The following HYDIN variants were observed in gnomAD, a reference collection of about 807,000 sequenced individuals.
The protein encoded by HYDIN is HYDIN axonemal central pair apparatus protein, also known as axonemal central pair apparatus protein HYDIN.
Under a neutral mutation model 403.9 loss-of-function variants are expected in HYDIN, and 132 were observed. The ratio of observed to expected loss-of-function variants is 0.33; its 90% CI spans 0.28 to 0.38. The LOEUF (loss-of-function observed/expected upper bound fraction) is 0.38. Ranked by LOEUF, HYDIN falls within the 10% of genes least tolerant of loss-of-function variation. The pLI, the probability that HYDIN is intolerant of heterozygous loss-of-function variation, is 1.00. For synonymous variants in HYDIN, 1,202 were observed against 1,891.7 expected, an observed-to-expected ratio of 0.64 and a Z score of 9.46; for missense variants, 2,827 against 5,009.5, an observed-to-expected ratio of 0.56 and a Z score of 13.15.
At chr16:71,189,892 T>G (rs1324442615) in intron 1 of HYDIN, among the ~76,000 whole-genome samples, 1 of 152,120 alleles carries the variant, frequency 6.6e-6, no homozygotes, top group East Asian at 1.9e-4. Context: ...GTCATGATAT[T>G]AGTAATAATA....
chr16:70,886,085 A>G lies in HYDIN; in HGVS notation c.9775-1961T>C, dbSNP rs561783246. On this transcript the variant is annotated intron_variant, in intron 58 of 85. Transcript: ENST00000393567. Reference sequence around the variant, plus strand: ...TAAATATGCCATATTTGTTTAAACCACTAATGTTGGATTTTCTGCTATCTG... The same window carrying G: ...TAAATATGCCATATTTGTTTAAACCGCTAATGTTGGATTTTCTGCTATCTG... 2.8e-4 allele frequency among the ~76,000 whole-genome samples: 42 copies of G among 149,716 alleles called. No individual in the cohort carries two copies. The South Asian group carries it at 8.6e-3, about 31-fold the overall frequency.
At chr16:71,089,976 G>GGAT (rs2083063739) in intron 11 of HYDIN, among the ~76,000 whole-genome samples, 1 of 123,954 alleles carries the variant, frequency 8.1e-6, no homozygotes, top group Non-Finnish European at 1.6e-5. Context: ...AGGCAGAGGA[G>GGAT]GATGAGTTCA....
chr16:70,854,954 T>C (rs1363119374), intron 73 of HYDIN, among the ~76,000 whole-genome samples, 174 bp downstream of exon 73: 3 of 150,830 alleles, frequency 2.0e-5, no homozygotes, highest in Non-Finnish European at 4.4e-5. Flanking sequence ...CAATGCTCCA[T>C]ATTCATCAGG....
At chr16:70,916,071 C>T (rs995352012) in intron 47 of HYDIN, among the ~76,000 whole-genome samples, 2 of 152,218 alleles carry the variant, frequency 1.3e-5, no homozygotes, top group Non-Finnish European at 2.9e-5. Context: ...TACCCACCTC[C>T]CAGCTGTGAA....
chr16:70,990,008 A>G lies in HYDIN; in HGVS notation c.3864+1310T>C, dbSNP rs190176100. Among the ~76,000 whole-genome samples, 65 of 152,344 alleles carry G rather than the reference A, an allele frequency of 4.3e-4. 1 individual carries two copies. Among genetic ancestry groups the G allele is most frequent in the African/African-American group, 1.5e-3 (63 of 41,592 alleles). ...CAAGATGGTCGAGTCTTCCAGCTCC[A>G]CTGCTTGATGGACGTGTCCCTGCAT... is the stretch of plus-strand genomic sequence containing the variant. On this transcript the variant is annotated intron_variant, in intron 25 of 85. Transcript: ENST00000393567.
intron 1 of HYDIN, among the ~76,000 whole-genome samples, chr16:71,227,540 A>G (rs1221565678): frequency 6.6e-6 from 1 of 152,160 alleles, no homozygotes; most frequent in Non-Finnish European, 1.5e-5. Context: ...AGAGAGCCAA[A>G]TCATGAGTGA....
At chr16:70,955,980 G>C (rs2078222793) in intron 39 of HYDIN, among the ~76,000 whole-genome samples, 1 of 151,914 alleles carries the variant, frequency 6.6e-6, no homozygotes, top group Non-Finnish European at 1.5e-5. Flanking sequence ...CACCATATCT[G>C]GTTAATTTTT....
chr16:70,949,265 A>C (rs2077983291), intron 41 of HYDIN, among the ~76,000 whole-genome samples: 2 of 137,114 alleles, frequency 1.5e-5, no homozygotes, highest in Non-Finnish European at 3.1e-5. Context: ...CAATGAAAAC[A>C]CATGGACACA....
At position 71,162,655 on chromosome 16, in the gene HYDIN, C is replaced by G; in HGVS notation, c.592G>C (p.Ala198Pro). The change falls in exon 6 of 86, where the codon GCC (alanine) becomes CCC (proline). Residue 198 changes from alanine to proline, a missense_variant. By Grantham distance (27) the Ala-to-Pro change is conservative. Coordinates refer to ENST00000393567, the MANE Select transcript of HYDIN (RefSeq NM_001270974.2). ...AGCTTGTCAGGAAAATCGAGAATGG[C>G]TCGTGCCCCTCTAGCTTTGATGGGT... ...IVPIKARGAR[A>P]ILDFPDKLNF... 1.2e-6 allele frequency: 1 copy of G among 816,268 alleles called. No homozygotes were observed. Among genetic ancestry groups the G allele is most frequent in the African/African-American group, 1.7e-5 (1 of 58,138 alleles). The allele number at this position is 816,268 out of a possible 1,614,324, so 50.6% of individuals were successfully genotyped here.
chr16:71,083,730 C>T (rs187293114), intron 12 of HYDIN, among the ~76,000 whole-genome samples: 71 of 152,240 alleles, frequency 4.7e-4, no homozygotes, highest in African/African-American at 1.4e-3. Context: ...TGCCACTTTG[C>T]GTAGTGTGAT....
chr16:70,951,055 C>T (rs370012991), intron 41 of HYDIN, among the ~76,000 whole-genome samples: 10 of 152,010 alleles, frequency 6.6e-5, no homozygotes, highest in Middle Eastern at 3.2e-3. Flanking sequence ...GGCAACACAG[C>T]GAGATCCCAT....
At chr16:70,928,422 A>C (rs1156604169) in intron 45 of HYDIN, among the ~76,000 whole-genome samples, 1 of 152,174 alleles carries the variant, frequency 6.6e-6, no homozygotes, top group Non-Finnish European at 1.5e-5. Flanking sequence ...CACGCCAAGC[A>C]CTCCAGCACC....
intron 30 of HYDIN, among the ~76,000 whole-genome samples, chr16:70,976,829 T>G (rs2078901920): frequency 6.6e-6 from 1 of 152,232 alleles, no homozygotes; most frequent in Non-Finnish European, 1.5e-5. Context: ...AAATACTATT[T>G]GAAAAGGGCT....
chr16:71,003,815 C>T (rs538886779), intron 23 of HYDIN, among the ~76,000 whole-genome samples: 2 of 151,288 alleles, frequency 1.3e-5, no homozygotes, highest in East Asian at 2.0e-4. Flanking sequence ...AAAAAAAATG[C>T]AATTGAATTT....
At chr16:70,865,936 G>A (rs1386097734) in intron 67 of HYDIN, among the ~76,000 whole-genome samples, 38 of 152,342 alleles carry the variant, frequency 2.5e-4, no homozygotes, top group African/African-American at 8.4e-4. Context: ...GCCTGATGCC[G>A]CCCTCCTGGT....
chr16:71,107,062 A>C (rs983584951), intron 10 of HYDIN, among the ~76,000 whole-genome samples: 3 of 148,846 alleles, frequency 2.0e-5, no homozygotes, highest in African/African-American at 4.9e-5. Context: ...AGGACAAAAA[A>C]CCAAACACCG....
chr16:71,141,467 T>C (rs1239631341), intron 7 of HYDIN, among the ~76,000 whole-genome samples: 1 of 151,930 alleles, frequency 6.6e-6, no homozygotes, highest in Non-Finnish European at 1.5e-5. Flanking sequence ...AGAAATTTGA[T>C]TACCTAAAAA....
Position 71,073,652 on chromosome 16 carries a change from C to T in HYDIN, c.1739-4150G>A, listed in dbSNP as rs973294469. The stretch of plus-strand genomic sequence containing the variant: ...ATAAATGCTTGGAGGTTTTCAAACT[C>T]CTTATTCTCATTCAACACATCCTTG... On this transcript the variant is annotated intron_variant, in intron 13 of 85. Transcript: ENST00000393567. 9.9e-5 allele frequency among the ~76,000 whole-genome samples: 15 copies of T among 152,208 alleles called. 1 individual carries two copies. The highest frequency in any genetic ancestry group is 3.6e-4 in the African/African-American group (15 of 41,546).
Position 71,190,537 on chromosome 16 carries a change from A to G in HYDIN, c.-23-3619T>C, listed in dbSNP as rs142698342. Among the ~76,000 whole-genome samples the G allele has an allele frequency of 3.0e-3, 457 of 152,346 alleles. 2 individuals are homozygous for G. The highest frequency in any genetic ancestry group is 0.01 in the African/African-American group (431 of 41,576). On this transcript the variant is annotated intron_variant, in intron 1 of 85. Coordinates refer to ENST00000393567, the MANE Select transcript of HYDIN (RefSeq NM_001270974.2). Reference sequence around the variant, plus strand: ...GCATTGTTGGTTAACCAAATAGTTGATGAAAGAAAATTACTCTTTATAAAA... The same window carrying G: ...GCATTGTTGGTTAACCAAATAGTTGGTGAAAGAAAATTACTCTTTATAAAA...
Sources: allele counts gnomAD v4.1 joint callset (sites outside exome capture counted in the v4.1 genomes callset), GRCh38; gene constraint gnomAD v4.1.1; transcripts MANE v1.5; gene names NCBI Gene and HGNC (gene_info 2026-07-23, HGNC 2026-07-21).